SPEG: variants seen among roughly 807,000 people sequenced by gnomAD.
The protein encoded by SPEG is striated muscle preferentially expressed protein kinase.
SPEG carries 114 observed loss-of-function variants against 300.4 expected under a neutral mutation model. The ratio of observed to expected loss-of-function variants is 0.38; its 90% CI spans 0.33 to 0.44. SPEG has a LOEUF of 0.44. SPEG is among the 20% of genes least tolerant of loss of function. SPEG has a pLI of 1.00. For missense variants in SPEG, 4,201 were observed against 4,586.2 expected, an observed-to-expected ratio of 0.92 and a Z score of 2.43; for synonymous variants, 1,964 against 2,018.9, an observed-to-expected ratio of 0.97 and a Z score of 0.73.
intron 28 of SPEG, chr2:219,482,534 A>T (rs1575165705): frequency 2.0e-6 from 1 of 509,124 alleles, no homozygotes; most frequent in South Asian, 2.7e-5. Flanking sequence ...TCAGAAGCCT[A>T]CCTAGGGGAG....
In SPEG at chr2:219,459,989, C is replaced by T. The variant is rs1228575584; in HGVS notation, c.2441-1893C>T. On this transcript the variant is annotated intron_variant, in intron 6 of 40. Coordinates refer to ENST00000312358, the MANE Select transcript of SPEG (RefSeq NM_005876.5). The surrounding 1 kb of genome is among the most constrained non-coding windows in gnomAD (Gnocchi z 4.9). ...ACATGTGACCCCTGCTCAACAGCCC[C>T]CTTCTCTCAGGTTCTGTGTCCAAAC... Among the ~76,000 whole-genome samples the T allele has an allele frequency of 6.6e-6, 1 of 152,222 alleles. No homozygotes were observed. The highest frequency in any genetic ancestry group is 2.4e-5 in the African/African-American group (1 of 41,450).
In SPEG at chr2:219,464,101, T is replaced by G. The variant is rs1575105967; in HGVS notation, c.2706-332T>G. 2.1e-5 allele frequency among the ~76,000 whole-genome samples: 3 copies of G among 144,614 alleles called. No homozygotes were observed. The highest frequency in any genetic ancestry group is 1.5e-5 in the Non-Finnish European group (1 of 66,502). 94.9% of individuals were successfully genotyped at this position (144,614 alleles called of 152,430 possible). A position where few individuals can be genotyped will look rare whatever the true frequency, so the allele number is the denominator to read the frequency against. On this transcript the variant is annotated intron_variant, in intron 8 of 40. Coordinates refer to ENST00000312358, the MANE Select transcript of SPEG (RefSeq NM_005876.5). This position sits in a 1 kb window ranked among gnomAD's most constrained non-coding sequence, Gnocchi z 4.5. The stretch of plus-strand genomic sequence containing the variant: ...TTGTGCCACTGCACTCCAGCCTGGG[T>G]GACAGAGGGAAACCCTGTTTAAAAA...
At chr2:219,468,443 C>G in intron 10 of SPEG, 135 bp from the exon 11 acceptor site, 1 of 983,962 alleles carries the variant, frequency 1.0e-6, no homozygotes, top group Admixed American at 2.6e-5. Flanking sequence ...CCACTTCCTC[C>G]CCTGAGTACC....
At chr2:219,490,076 C>A in intron 36 of SPEG, 137 bp downstream of exon 36, 4 of 1,045,648 alleles carry the variant, frequency 3.8e-6, no homozygotes, top group Non-Finnish European at 5.5e-6. Flanking sequence ...AGAATGATTG[C>A]GTTCAAATGT....
intron 13 of SPEG, 25 bp from the exon 14 acceptor site, chr2:219,471,843 A>T (rs754334608): frequency 6.2e-7 from 1 of 1,613,480 alleles, no homozygotes. Flanking sequence ...GCTCAGGCCC[A>T]GTGTCACTGT....
At position 219,448,048 on chromosome 2, in the gene SPEG, G is replaced by A. The variant is rs776971478; in HGVS notation, c.890G>A (p.Arg297His). ...CAACTGGCCAGCGAAGCCCCACGCC[G>A]CCCTGCCCAGCCGCCTCCTTCCAAA... ...QPQLASEAPR[R>H]PAQPPPSKSA... Residue 297 changes from arginine (R) to histidine (H), a missense_variant, in exon 4 of 41, where the codon CGC (arginine) becomes CAC (histidine). Physicochemically the swap from Arg to His is conservative, Grantham distance 29 (BLOSUM62 0). Around this residue, in one of 4 missense-constraint regions of SPEG, gnomAD observed 1,258 missense variants for 1,293.9 expected, o/e 0.97. Coordinates refer to ENST00000312358, the MANE Select transcript of SPEG (RefSeq NM_005876.5). The A allele has an allele frequency of 1.9e-6, 3 of 1,611,286 alleles. No homozygotes were observed. Among genetic ancestry groups the A allele is most frequent in the South Asian group, 2.2e-5 (2 of 90,962 alleles).
Position 219,448,421 on chromosome 2 carries a change from G to T in SPEG, c.1263G>T (p.Pro421=). The change falls in exon 4 of 41, where the codon CCG becomes CCT. Residue 421 remains proline, a synonymous_variant. Coordinates refer to ENST00000312358, the MANE Select transcript of SPEG (RefSeq NM_005876.5). ...RRSLERSDSP[P]APLRPWVPLR... ...GCCTGGAGCGCAGCGACTCGCCGCC[G>T]GCGCCCCTGCGGCCCTGGGTGCCCC... 6.6e-7 allele frequency: 1 copy of T among 1,523,808 alleles called. No homozygotes were observed. The highest frequency in any genetic ancestry group is 8.8e-7 in the Non-Finnish European group (1 of 1,141,638). The allele number at this position is 1,523,808 out of a possible 1,614,324, so 94.4% of individuals were successfully genotyped here. A position where few individuals can be genotyped will look rare whatever the true frequency, so the allele number is the denominator to read the frequency against.
At position 219,473,891 on chromosome 2, in the gene SPEG, T is replaced by A; in HGVS notation, c.4435T>A (p.Leu1479Met). The part of the protein sequence containing the change: ...RHGTQTCSVT[L>M]ELAEAPRFES... ...CGGCACACAGACCTGCTCGGTCACA[T>A]TGGAGCTGGCAGGTGGGTGACAGCG... Residue 1479 changes from leucine to methionine, a missense_variant, in exon 18 of 41, where the codon TTG (leucine) becomes ATG (methionine). Transcript: ENST00000312358. The surrounding 1 kb of genome is among the most constrained non-coding windows in gnomAD (Gnocchi z 4.6). 1 of 1,608,148 alleles carries A rather than the reference T, an allele frequency of 6.2e-7. No individual in the cohort carries two copies. The highest frequency in any genetic ancestry group is 8.5e-7 in the Non-Finnish European group (1 of 1,176,388).
Position 219,492,581 on chromosome 2 carries a change from C to T in SPEG, c.9612-13C>T. The T allele has an allele frequency of 6.2e-7, 1 of 1,605,874 alleles. No individual in the cohort carries two copies. The highest frequency in any genetic ancestry group is 8.5e-7 in the Non-Finnish European group (1 of 1,179,742). ...TTCCTTCCAGGTTCATCATCCCTGGCTCTGCCTGGCAGGAGCCGGCCCTCC... is the reference window on the plus strand; with the variant it reads ...TTCCTTCCAGGTTCATCATCCCTGGTTCTGCCTGGCAGGAGCCGGCCCTCC... On this transcript the variant is annotated splice_polypyrimidine_tract_variant and intron_variant, in intron 40 of 40. Coordinates refer to ENST00000312358, the MANE Select transcript of SPEG (RefSeq NM_005876.5).
At position 219,469,300 on chromosome 2, in the gene SPEG, C is replaced by T. The variant is rs746309854; in HGVS notation, c.3636C>T (p.Thr1212=). The part of the protein sequence containing the change: ...AKEAMLECQV[T]GLPYPTISWF... Reference sequence around the variant, plus strand: ...AGGCCATGCTAGAGTGCCAGGTGACCGGCCTGCCCTACCCCACCATCAGCT... The same window carrying T: ...AGGCCATGCTAGAGTGCCAGGTGACTGGCCTGCCCTACCCCACCATCAGCT... The change falls in exon 13 of 41, where the codon ACC becomes ACT. Residue 1212 remains threonine, a synonymous_variant. Coordinates refer to ENST00000312358, the MANE Select transcript of SPEG (RefSeq NM_005876.5). 3.4e-5 allele frequency: 55 copies of T among 1,613,774 alleles called. No homozygotes were observed. Among genetic ancestry groups the T allele is most frequent in the East Asian group, 8.9e-5 (4 of 44,902 alleles).
chr2:219,470,099 G>A (rs6724274), intron 13 of SPEG, among the ~76,000 whole-genome samples: 70,482 of 152,028 alleles, frequency 0.46, 16,863 homozygotes, highest in South Asian at 0.66. Context: ...TTCCTCTTAT[G>A]GCTGCAACAT....
At chr2:219,461,791 G>A (rs1028451535) in intron 6 of SPEG, 91 bp from the exon 7 acceptor site, 9 of 1,369,652 alleles carry the variant, frequency 6.6e-6, no homozygotes, top group South Asian at 1.2e-5. Context: ...GGGAGCTGCC[G>A]CAACTCCTGG....
chr2:219,473,840 C>T lies in SPEG; in HGVS notation c.4384C>T (p.Leu1462Phe). 2.5e-6 allele frequency: 4 copies of T among 1,613,786 alleles called. No homozygotes were observed. Among genetic ancestry groups the T allele is most frequent in the Non-Finnish European group, 3.4e-6 (4 of 1,180,030 alleles). ...GGTGAGCCGCCGGGACATGGGGGCC[C>T]TCACCTGCACCGCCCGAAACCGTCA... ...CRVSRRDMGA[L>F]TCTARNRHGT... The change falls in exon 18 of 41, where the codon CTC becomes TTC. Residue 1462 changes from leucine to phenylalanine, a missense_variant. Leu to Phe is a conservative substitution (Grantham distance 22, BLOSUM62 0). Transcript: ENST00000312358. This position sits in a 1 kb window ranked among gnomAD's most constrained non-coding sequence, Gnocchi z 4.6.
chr2:219,485,067 C>A lies in SPEG; in HGVS notation c.7604C>A (p.Ser2535Tyr). Residue 2535 changes from serine (S) to tyrosine (Y), a missense_variant, in exon 30 of 41, where the codon TCC (serine) becomes TAC (tyrosine). Physicochemically the swap from Ser to Tyr is moderately radical, Grantham distance 144 (BLOSUM62 -2). Coordinates refer to ENST00000312358, the MANE Select transcript of SPEG (RefSeq NM_005876.5). ...TCCGAGGCCAGCGCCACGTCGGGCTCCTCAGGTGAGGAGGGGCAGGGGTAG... is the reference window on the plus strand; with the variant it reads ...TCCGAGGCCAGCGCCACGTCGGGCTACTCAGGTGAGGAGGGGCAGGGGTAG... ...LGSEASATSG[S>Y]SAPGESRSRL... 1 of 1,532,350 alleles carries A rather than the reference C, an allele frequency of 6.5e-7. No homozygotes were observed. The highest frequency in any genetic ancestry group is 8.7e-7 in the Non-Finnish European group (1 of 1,145,936). 94.9% of individuals were successfully genotyped at this position (1,532,350 alleles called of 1,614,324 possible).
Position 219,443,534 on chromosome 2 carries a change from T to C in SPEG, c.389-1119T>C. ...AAGTTGAAAATACTCCCAGGAACCT[T>C]TTCTCCTAACCTAACCACTGGGCAT... On this transcript the variant is annotated intron_variant, in intron 1 of 40. Coordinates refer to ENST00000312358, the MANE Select transcript of SPEG (RefSeq NM_005876.5). This position sits in a 1 kb window ranked among gnomAD's most constrained non-coding sequence, Gnocchi z 4.6. 6.3e-6 allele frequency: 2 copies of C among 318,672 alleles called. No homozygotes were observed. Among genetic ancestry groups the C allele is most frequent in the Non-Finnish European group, 1.2e-5 (2 of 166,396 alleles). The allele number at this position is 318,672 out of a possible 1,614,324, so 19.7% of individuals were successfully genotyped here. A position where few individuals can be genotyped will look rare whatever the true frequency, so the allele number is the denominator to read the frequency against.
At position 219,448,200 on chromosome 2, in the gene SPEG, A is replaced by G; in HGVS notation, c.1042A>G (p.Thr348Ala). Residue 348 changes from threonine to alanine, a missense_variant, in exon 4 of 41, where the codon ACC becomes GCC. Around this residue, in one of 4 missense-constraint regions of SPEG, gnomAD observed 1,258 missense variants for 1,293.9 expected, o/e 0.97. Coordinates refer to ENST00000312358, the MANE Select transcript of SPEG (RefSeq NM_005876.5). ...RTQEPVLPED[T>A]TTEEKRGKKS... ...TCAGGAGCCTGTGCTGCCCGAGGACACCACCACCGAAGAGAAGCGAGGGAA... is the reference window on the plus strand; with the variant it reads ...TCAGGAGCCTGTGCTGCCCGAGGACGCCACCACCGAAGAGAAGCGAGGGAA... 2 of 1,612,300 alleles carry G rather than the reference A, an allele frequency of 1.2e-6. No individual in the cohort carries two copies. Among genetic ancestry groups the G allele is most frequent in the Non-Finnish European group, 1.7e-6 (2 of 1,179,570 alleles).
chr2:219,461,391 T>G (rs1575096017), intron 6 of SPEG: 1 of 997,874 alleles, frequency 1.0e-6, no homozygotes. Flanking sequence ...TGGACCGAGG[T>G]CGGGATGTGA....
In SPEG at chr2:219,451,196, A is replaced by C. The variant is rs766783532; in HGVS notation, c.2174A>C (p.Glu725Ala). ...GEEPLEAPVF[E>A]IPLQNVVVAP... is the part of the protein sequence containing the mutation. ...GAGCCCCTAGAGGCCCCTGTGTTTGAGATCCCCCTGCAGAATGTGGTGGTG... is the reference window on the plus strand; with the variant it reads ...GAGCCCCTAGAGGCCCCTGTGTTTGCGATCCCCCTGCAGAATGTGGTGGTG... The change falls in exon 5 of 41, where the codon GAG (glutamate) becomes GCG (alanine). Residue 725 changes from glutamate (E) to alanine (A), a missense_variant. Around this residue, in one of 4 missense-constraint regions of SPEG, gnomAD observed 1,258 missense variants for 1,293.9 expected, o/e 0.97. Coordinates refer to ENST00000312358, the MANE Select transcript of SPEG (RefSeq NM_005876.5). The surrounding 1 kb of genome is among the most constrained non-coding windows in gnomAD (Gnocchi z 6.4). The C allele has an allele frequency of 6.2e-7, 1 of 1,613,736 alleles. No homozygotes were observed. Among genetic ancestry groups the C allele is most frequent in the African/African-American group, 1.3e-5 (1 of 74,876 alleles).
Position 219,485,408 on chromosome 2 carries a change from T to C in SPEG, c.7672T>C (p.Leu2558=), listed in dbSNP as rs370944996. The change falls in exon 31 of 41, where the codon TTA becomes CTA. Residue 2558 remains leucine (L), a synonymous_variant. Transcript: ENST00000312358. ...GFSRPRKDKG[L]SPPNLSASVQ... ...CTCTCGGCCGCGGAAGGACAAGGGG[T>C]TATCGCCACCAAACCTCTCTGCCAG... 6.2e-7 allele frequency: 1 copy of C among 1,606,690 alleles called. No homozygotes were observed. Among genetic ancestry groups the C allele is most frequent in the Non-Finnish European group, 8.5e-7 (1 of 1,176,486 alleles).
Sources: allele counts gnomAD v4.1 joint callset (sites outside exome capture counted in the v4.1 genomes callset), GRCh38; gene constraint gnomAD v4.1.1; regional missense constraint gnomAD v4.1.1; non-coding constraint Gnocchi (gnomAD v3.1); transcripts MANE v1.5; gene names NCBI Gene and HGNC (gene_info 2026-07-23, HGNC 2026-07-21).